Variants in GNG10 observed in about 807,000 individuals in gnomAD.
GNG10 encodes G protein subunit gamma 10.
GNG10 carries 7 observed loss-of-function variants against 6.8 expected under a neutral mutation model. The ratio of observed to expected loss-of-function variants is 1.02; its 90% CI spans 0.58 to 1.92. GNG10 has a LOEUF of 1.92. Ranked by LOEUF, GNG10 falls within the 30% of genes most tolerant of loss-of-function variation. The pLI is 0.00. For missense variants in GNG10, 57 were observed against 86.1 expected, an observed-to-expected ratio of 0.66 and a Z score of 1.34; for synonymous variants, 28 against 34.8, an observed-to-expected ratio of 0.80 and a Z score of 0.69.
At position 111,661,844 on chromosome 9, in the gene GNG10, G is replaced by A. The variant is rs1830824173; in HGVS notation, c.81+129G>A. On this transcript the variant is annotated intron_variant, in intron 1 of 2. Transcript: ENST00000374293. This position sits in a 1 kb window ranked among gnomAD's most constrained non-coding sequence, Gnocchi z 6.1. Reference sequence around the variant, plus strand: ...GGCGAGGCCTCGGCGGGGCGCGGGGGCGGTGGGGTCCGCGGTGAGGGAGGG... The same window carrying A: ...GGCGAGGCCTCGGCGGGGCGCGGGGACGGTGGGGTCCGCGGTGAGGGAGGG... The A allele has an allele frequency of 2.7e-6, 1 of 370,730 alleles. No homozygotes were observed. The highest frequency in any genetic ancestry group is 4.2e-6 in the Non-Finnish European group (1 of 236,972). 23.0% of individuals were successfully genotyped at this position (370,730 alleles called of 1,614,324 possible). A position where few individuals can be genotyped will look rare whatever the true frequency, so the allele number is the denominator to read the frequency against.
chr9:111,662,360 C>G (rs1443641821), intron 1 of GNG10, among the ~76,000 whole-genome samples: 1 of 152,072 alleles, frequency 6.6e-6, no homozygotes, highest in African/African-American at 2.4e-5. Context: ...GAGCCTGGGA[C>G]CCGGGGACCA....
At chr9:111,664,329 C>T (rs1363738503) in intron 1 of GNG10, among the ~76,000 whole-genome samples, 2 of 152,164 alleles carry the variant, frequency 1.3e-5, no homozygotes, top group Admixed American at 6.5e-5. Context: ...GAGTCACAAC[C>T]ATTCCAGGGT....
intron 1 of GNG10, among the ~76,000 whole-genome samples, chr9:111,664,078 T>A (rs1830865209): frequency 6.6e-6 from 1 of 151,306 alleles, no homozygotes; most frequent in East Asian, 2.0e-4. Flanking sequence ...CAGGTGATCC[T>A]CCCGCCTCAA....
chr9:111,661,642 C>T lies in GNG10; in HGVS notation c.8C>T (p.Ser3Phe), dbSNP rs1223700925. 3 of 1,349,236 alleles carry T rather than the reference C, an allele frequency of 2.2e-6. No homozygotes were observed. The highest frequency in any genetic ancestry group is 2.9e-6 in the Non-Finnish European group (3 of 1,029,836). The allele number at this position is 1,349,236 out of a possible 1,614,324, so 83.6% of individuals were successfully genotyped here. Residue 3 changes from serine (S) to phenylalanine (F), a missense_variant, in exon 1 of 3, where the codon TCC (serine) becomes TTC (phenylalanine). Physicochemically the swap from Ser to Phe is radical, Grantham distance 155. Transcript: ENST00000374293. The surrounding 1 kb of genome is among the most constrained non-coding windows in gnomAD (Gnocchi z 6.1). MS[S>F]GASASALQRL... ...GAGCCCAGCGCCGCCGCCATGTCCT[C>T]CGGGGCTAGCGCGAGCGCCCTGCAG... is the stretch of plus-strand genomic sequence containing the variant.
At chr9:111,666,750 A>T in intron 1 of GNG10, 65 bp from the exon 2 acceptor site, 1 of 1,544,122 alleles carries the variant, frequency 6.5e-7, no homozygotes, top group Admixed American at 1.8e-5. Flanking sequence ...CGTTTTCAGA[A>T]TATCCTTGAC....
At chr9:111,665,165 T>G (rs561681894) in intron 1 of GNG10, among the ~76,000 whole-genome samples, 26 of 152,170 alleles carry the variant, frequency 1.7e-4, no homozygotes, top group African/African-American at 6.3e-4. Context: ...TAGTAATACC[T>G]GAACAGCAAT....
intron 1 of GNG10, among the ~76,000 whole-genome samples, chr9:111,663,380 G>A (rs550654768): frequency 2.0e-5 from 3 of 152,196 alleles, no homozygotes; most frequent in Non-Finnish European, 4.4e-5. Context: ...TGCCAGAAAG[G>A]TGGAGGTGGG....
At chr9:111,666,753 T>C in intron 1 of GNG10, 62 bp from the exon 2 acceptor site, 1 of 1,571,074 alleles carries the variant, frequency 6.4e-7, no homozygotes, top group South Asian at 1.2e-5. Context: ...TTTCAGAATA[T>C]CCTTGACTGC....
Position 111,670,131 on chromosome 9 carries a change from C to T in GNG10, c.*869C>T, listed in dbSNP as rs1286509139. 6.6e-6 allele frequency: 1 copy of T among 152,598 alleles called. No homozygotes were observed. The highest frequency in any genetic ancestry group is 2.4e-5 in the African/African-American group (1 of 41,436). 9.5% of individuals were successfully genotyped at this position (152,598 alleles called of 1,614,324 possible). On this transcript the variant is annotated 3_prime_UTR_variant, in exon 3 of 3. Coordinates refer to ENST00000374293, the MANE Select transcript of GNG10 (RefSeq NM_001017998.4). ...CAAGTGTTTTACTTCGACGATGTGC[C>T]TTTGATTTAATTTGGGACACTTTTT...
intron 1 of GNG10, 55 bp from the exon 2 acceptor site, chr9:111,666,760 C>T (rs765333867): frequency 8.2e-6 from 13 of 1,582,512 alleles, no homozygotes; most frequent in Non-Finnish European, 1.1e-5. Flanking sequence ...ATATCCTTGA[C>T]TGCCGGGTGG....
chr9:111,661,786 G>T lies in GNG10; in HGVS notation c.81+71G>T. 1 of 935,274 alleles carries T rather than the reference G, an allele frequency of 1.1e-6. No homozygotes were observed. Among genetic ancestry groups the T allele is most frequent in the Non-Finnish European group, 1.4e-6 (1 of 724,250 alleles). The allele number at this position is 935,274 out of a possible 1,614,324, so 57.9% of individuals were successfully genotyped here. On this transcript the variant is annotated intron_variant, in intron 1 of 2. Coordinates refer to ENST00000374293, the MANE Select transcript of GNG10 (RefSeq NM_001017998.4). The surrounding 1 kb of genome is among the most constrained non-coding windows in gnomAD (Gnocchi z 6.1). ...CGTGAGAAGAGGAGGCCGGCGGCCCGGACCGGGCGCCAGCGGGGGACTCGG... is the reference window on the plus strand; with the variant it reads ...CGTGAGAAGAGGAGGCCGGCGGCCCTGACCGGGCGCCAGCGGGGGACTCGG...
chr9:111,661,825 G>A lies in GNG10; in HGVS notation c.81+110G>A, dbSNP rs1027616841. Reference sequence around the variant, plus strand: ...CGGGGGACTCGGTGGCGGCGGCGAGGCCTCGGCGGGGCGCGGGGGCGGTGG... The same window carrying A: ...CGGGGGACTCGGTGGCGGCGGCGAGACCTCGGCGGGGCGCGGGGGCGGTGG... On this transcript the variant is annotated intron_variant, in intron 1 of 2. Transcript: ENST00000374293. This position sits in a 1 kb window ranked among gnomAD's most constrained non-coding sequence, Gnocchi z 6.1. The A allele has an allele frequency of 2.7e-5, 14 of 517,776 alleles. No individual in the cohort carries two copies. The African/African-American group carries it at 2.9e-4, about 11-fold the overall frequency. The allele number at this position is 517,776 out of a possible 1,614,324, so 32.1% of individuals were successfully genotyped here.
Position 111,661,694 on chromosome 9 carries a change from G to A in GNG10, c.60G>A (p.Glu20=), listed in dbSNP as rs1250215783. The A allele has an allele frequency of 7.2e-7, 1 of 1,382,592 alleles. No homozygotes were observed. The highest frequency in any genetic ancestry group is 1.5e-5 in the South Asian group (1 of 68,362). 85.6% of individuals were successfully genotyped at this position (1,382,592 alleles called of 1,614,324 possible). The change falls in exon 1 of 3, where the codon GAG becomes GAA. Residue 20 remains glutamate (E), a synonymous_variant. Coordinates refer to ENST00000374293, the MANE Select transcript of GNG10 (RefSeq NM_001017998.4). This position sits in a 1 kb window ranked among gnomAD's most constrained non-coding sequence, Gnocchi z 6.1. ...GCTTGGTAGAGCAGCTCAAGTTGGA[G>A]GCTGGCGTGGAGAGGATCAAGGTGC... is the stretch of plus-strand genomic sequence containing the variant. ...LQRLVEQLKL[E]AGVERIKVSQ... is the part of the protein sequence containing the mutation.
At chr9:111,662,171 G>A (rs1346580147) in intron 1 of GNG10, among the ~76,000 whole-genome samples, 1 of 152,172 alleles carries the variant, frequency 6.6e-6, no homozygotes, top group Admixed American at 6.5e-5. Flanking sequence ...CACCCGCCGA[G>A]GTAGAGAGGA....
intron 2 of GNG10, among the ~76,000 whole-genome samples, chr9:111,668,310 G>T (rs1484716973): frequency 6.6e-6 from 1 of 152,142 alleles, no homozygotes; most frequent in Non-Finnish European, 1.5e-5. Flanking sequence ...ACATTTAAAA[G>T]AAGGAAGCAA....
intron 1 of GNG10, among the ~76,000 whole-genome samples, chr9:111,663,493 G>C (rs1830855546): frequency 6.6e-6 from 1 of 152,056 alleles, no homozygotes; most frequent in South Asian, 2.1e-4. Flanking sequence ...AGACAGAAGG[G>C]GAGGAGGTGA....
At position 111,666,018 on chromosome 9, in the gene GNG10, A is replaced by AT. The variant is rs111271429; in HGVS notation, c.82-797_82-796insT. Among the ~76,000 whole-genome samples, 176 of 150,896 alleles carry AT rather than the reference A, an allele frequency of 1.2e-3. 1 individual carries two copies. The highest frequency in any genetic ancestry group is 4.0e-3 in the African/African-American group (163 of 40,890). The stretch of plus-strand genomic sequence containing the variant: ...CCAAAGTGCTGGGATTACAGGTGTG[A>AT]GCCACTGCGCCCAGCCACAGTCAGC... On this transcript the variant is annotated intron_variant, in intron 1 of 2. Transcript: ENST00000374293.
chr9:111,664,005 T>G (rs1010324894), intron 1 of GNG10, among the ~76,000 whole-genome samples: 14 of 151,470 alleles, frequency 9.2e-5, no homozygotes, highest in African/African-American at 3.4e-4. Context: ...TTTTTTTTTT[T>G]TGTATTTTTA....
At chr9:111,666,117 C>T (rs1031013165) in intron 1 of GNG10, among the ~76,000 whole-genome samples, 36 of 152,254 alleles carry the variant, frequency 2.4e-4, no homozygotes, top group African/African-American at 7.2e-4. Context: ...ATCACGTTTG[C>T]AGTCTACCAC....
Sources: gnomAD v4.1 joint callset for allele counts (sites outside exome capture counted in the v4.1 genomes callset) on GRCh38, gnomAD v4.1.1 for gene constraint, Gnocchi (gnomAD v3.1) non-coding constraint, MANE v1.5 for transcripts, NCBI Gene and HGNC (gene_info 2026-07-23, HGNC 2026-07-21) for gene names.